TYW5: variants seen among roughly 807,000 people sequenced by gnomAD.
TYW5 encodes tRNA wybutosine-synthesizing protein 5.
A neutral mutation model predicts 44.4 loss-of-function variants in TYW5; 36 were observed. The observed-to-expected ratio is 0.81, with a 90% CI of 0.62 to 1.07. The LOEUF (loss-of-function observed/expected upper bound fraction) is 1.07, where lower values mean the gene tolerates loss of function less well. Among genes scored for constraint, TYW5 ranks in the 50% least tolerant of loss-of-function variants. TYW5 has a pLI of 0.00. For missense variants in TYW5, 354 were observed against 365.7 expected, an observed-to-expected ratio of 0.97 and a Z score of 0.26; for synonymous variants, 121 against 128.1, an observed-to-expected ratio of 0.94 and a Z score of 0.37.
chr2:199,940,009 T>C (rs1336706829), intron 4 of TYW5, 80 bp downstream of exon 4: 4 of 1,298,056 alleles, frequency 3.1e-6, no homozygotes, highest in Admixed American at 3.6e-5. Flanking sequence ...AGGCAGTAAG[T>C]ATAAAATTAC....
At chr2:199,935,532 G>A (rs765597005) in intron 7 of TYW5, among the ~76,000 whole-genome samples, 10 of 150,650 alleles carry the variant, frequency 6.6e-5, no homozygotes, top group Admixed American at 1.3e-4. Context: ...TATTTTTGTC[G>A]AGACGGGGTC....
At chr2:199,951,782 C>T (rs547365659) in intron 1 of TYW5, among the ~76,000 whole-genome samples, 29 of 151,970 alleles carry the variant, frequency 1.9e-4, no homozygotes, top group African/African-American at 4.8e-4. Flanking sequence ...TTTGGGAGGC[C>T]GAGGCAGGCG....
At chr2:199,935,235 A>C (rs1019614452) in intron 7 of TYW5, among the ~76,000 whole-genome samples, 1 of 152,086 alleles carries the variant, frequency 6.6e-6, no homozygotes, top group Non-Finnish European at 1.5e-5. Context: ...TAAATAAATA[A>C]ATAAAAGCTA....
chr2:199,947,359 G>A (rs1388296853), intron 2 of TYW5: 1 of 152,160 alleles, frequency 6.6e-6, no homozygotes, highest in Non-Finnish European at 1.5e-5. Flanking sequence ...TGAAACTCAT[G>A]GGAATAAATA....
intron 3 of TYW5, among the ~76,000 whole-genome samples, chr2:199,941,192 G>T (rs1416850392): frequency 6.6e-6 from 1 of 152,106 alleles, no homozygotes; most frequent in African/African-American, 2.4e-5. Context: ...CCGAGTAGCT[G>T]GGACATTCAG....
At chr2:199,947,158 CT>C (rs1307565421) in intron 2 of TYW5, 1 of 152,138 alleles carries the variant, frequency 6.6e-6, no homozygotes. Context: ...CTGAGGAATG[CT>C]TTGGCAGCTG....
chr2:199,941,859 C>T (rs979481245), intron 3 of TYW5, among the ~76,000 whole-genome samples: 2 of 152,124 alleles, frequency 1.3e-5, no homozygotes, highest in Non-Finnish European at 2.9e-5. Flanking sequence ...GTAGTCACAA[C>T]CAGTGACTTA....
rs1480928225 is a variant in TYW5, at chr2:199,930,783, ACTGGT to A, written c.*2279_*2283del. ...TGCACATTAGGGAGAATGGAGAATTACTGGTCACAACGAATCCCGGTTTCTATCAC... is the reference window on the plus strand; with the variant it reads ...TGCACATTAGGGAGAATGGAGAATTACACAACGAATCCCGGTTTCTATCAC... On this transcript the variant is annotated 3_prime_UTR_variant, in exon 8 of 8. Transcript: ENST00000354611. 1 of 152,196 alleles carries A rather than the reference ACTGGT, an allele frequency of 6.6e-6. No homozygotes were observed. Among genetic ancestry groups the A allele is most frequent in the Non-Finnish European group, 1.5e-5 (1 of 68,032 alleles). The allele number at this position is 152,196 out of a possible 1,614,324, so 9.4% of individuals were successfully genotyped here.
intron 2 of TYW5, chr2:199,947,090 C>A (rs2077509340): frequency 6.6e-6 from 1 of 152,140 alleles, no homozygotes; most frequent in South Asian, 2.1e-4. Context: ...CAATTAAATT[C>A]AATTCATGGA....
chr2:199,948,069 G>C (rs755756684), intron 2 of TYW5: 18 of 357,672 alleles, frequency 5.0e-5, no homozygotes, highest in Non-Finnish European at 8.2e-5. Context: ...TCCAGCCTGG[G>C]TGGCGCAGTA....
intron 1 of TYW5, among the ~76,000 whole-genome samples, chr2:199,952,277 T>C (rs1056183071): frequency 1.3e-5 from 2 of 152,194 alleles, no homozygotes; most frequent in Admixed American, 6.5e-5. Context: ...AAAGTGAACA[T>C]AGTTAGATAT....
Position 199,931,618 on chromosome 2 carries a change from T to C in TYW5, c.*1449A>G, listed in dbSNP as rs900270715. On this transcript the variant is annotated 3_prime_UTR_variant, in exon 8 of 8. Transcript: ENST00000354611. ...CTGACAAGACTTTTTTCACCTTTAT[T>C]CACCTGAGTAACTTACCTGTTTCCA... The C allele has an allele frequency of 1.3e-5, 2 of 152,220 alleles. No homozygotes were observed. The highest frequency in any genetic ancestry group is 2.9e-5 in the Non-Finnish European group (2 of 68,024). 9.4% of individuals were successfully genotyped at this position (152,220 alleles called of 1,614,324 possible). A position where few individuals can be genotyped will look rare whatever the true frequency, so the allele number is the denominator to read the frequency against.
chr2:199,940,303 GAAGTA>G (rs548014682), intron 3 of TYW5, among the ~76,000 whole-genome samples, 170 bp from the exon 4 acceptor site: 82 of 152,100 alleles, frequency 5.4e-4, no homozygotes, highest in Non-Finnish European at 9.1e-4. Flanking sequence ...AAAATATTAG[GAAGTA>G]AAGTTAGGAA....
chr2:199,946,480 T>TA (rs2077504828), intron 2 of TYW5: 2 of 152,134 alleles, frequency 1.3e-5, no homozygotes, highest in African/African-American at 4.8e-5. Context: ...TGAGACTTTT[T>TA]AAAAAAATCT....
chr2:199,948,200 T>C, intron 2 of TYW5, 118 bp downstream of exon 2: 1 of 999,290 alleles, frequency 1.0e-6, no homozygotes, highest in Non-Finnish European at 1.5e-6. Flanking sequence ...ATTCCATGAT[T>C]ACATCAAACC....
Position 199,930,083 on chromosome 2 carries a change from C to T in TYW5, c.*2984G>A, listed in dbSNP as rs2077363681. On this transcript the variant is annotated 3_prime_UTR_variant, in exon 8 of 8. Coordinates refer to ENST00000354611, the MANE Select transcript of TYW5 (RefSeq NM_001039693.3). ...CTGCACCTCCCAGGCTCAAGTGATC[C>T]TCCTATCTTAGCCTCCTGAGTAGCT... The T allele has an allele frequency of 6.6e-6, 1 of 150,784 alleles. No homozygotes were observed. The allele number at this position is 150,784 out of a possible 1,614,324, so 9.3% of individuals were successfully genotyped here. A position where few individuals can be genotyped will look rare whatever the true frequency, so the allele number is the denominator to read the frequency against.
chr2:199,939,169 A>G (rs2077444473), intron 4 of TYW5, 99 bp from the exon 5 acceptor site: 16 of 1,034,870 alleles, frequency 1.5e-5, no homozygotes, highest in Non-Finnish European at 2.0e-5. Flanking sequence ...AAATACTATG[A>G]TGTGACCATG....
chr2:199,933,367 TA>T (rs199606074), intron 7 of TYW5, 44 bp from the exon 8 acceptor site: 258 of 1,518,472 alleles, frequency 1.7e-4, no homozygotes, highest in Admixed American at 2.2e-4. Flanking sequence ...AACCTACAGT[TA>T]AAAAAAAACC....
chr2:199,934,083 C>T (rs757888403), intron 7 of TYW5, among the ~76,000 whole-genome samples: 2 of 151,970 alleles, frequency 1.3e-5, no homozygotes, highest in South Asian at 2.1e-4. Context: ...ACACTAATCA[C>T]AGGAAAAACC....
Sources: allele counts gnomAD v4.1 joint callset (sites outside exome capture counted in the v4.1 genomes callset), GRCh38; gene constraint gnomAD v4.1.1; transcripts MANE v1.5; gene names NCBI Gene and HGNC (gene_info 2026-07-23, HGNC 2026-07-21).